The following ASPH variants were observed in gnomAD, a reference collection of about 807,000 sequenced individuals.
ASPH encodes the protein aspartyl/asparaginyl beta-hydroxylase.
A neutral mutation model predicts 118.4 loss-of-function variants in ASPH; 100 were observed. The ratio of observed to expected loss-of-function variants is 0.84; its 90% CI spans 0.72 to 1.00. The LOEUF (loss-of-function observed/expected upper bound fraction) is 1.00. ASPH is among the 50% of genes least tolerant of loss of function. The pLI is 0.00. For synonymous variants in ASPH, 315 were observed against 325.6 expected (o/e 0.97, Z 0.35); for missense variants, 920 against 919.5 (o/e 1.00, Z -0.01).
intron 1 of ASPH, among the ~76,000 whole-genome samples, chr8:61,697,459 C>A (rs1834194560): frequency 6.6e-6 from 1 of 152,178 alleles, no homozygotes; most frequent in South Asian, 2.1e-4. Flanking sequence ...ACACTATCTA[C>A]TTGCAGATAG....
At chr8:61,585,681 C>T (rs1269245714) in intron 14 of ASPH, among the ~76,000 whole-genome samples, 3 of 152,192 alleles carry the variant, frequency 2.0e-5, no homozygotes, top group African/African-American at 4.8e-5. Flanking sequence ...TTGCCACGCT[C>T]CCTCCCCTCC....
intron 21 of ASPH, among the ~76,000 whole-genome samples, chr8:61,528,707 T>C (rs1187148846): frequency 1.3e-5 from 2 of 152,236 alleles, no homozygotes; most frequent in Non-Finnish European, 2.9e-5. Context: ...ATCTTTTATA[T>C]ATGAAACATT....
intron 6 of ASPH, among the ~76,000 whole-genome samples, chr8:61,645,551 C>G (rs940575835): frequency 6.6e-6 from 1 of 152,168 alleles, no homozygotes; most frequent in Non-Finnish European, 1.5e-5. Flanking sequence ...GAAATCATGA[C>G]ATAAATGATT....
chr8:61,559,112 T>G (rs564377541), intron 18 of ASPH, among the ~76,000 whole-genome samples: 1 of 152,352 alleles, frequency 6.6e-6, no homozygotes, highest in African/African-American at 2.4e-5. Context: ...GATACAGGCA[T>G]ACTATGCATA....
chr8:61,671,066 TG>T (rs1273601078), intron 3 of ASPH, among the ~76,000 whole-genome samples: 5 of 151,804 alleles, frequency 3.3e-5, no homozygotes, highest in Non-Finnish European at 5.9e-5. Flanking sequence ...AATACAGTAA[TG>T]GAGAAAGGGG....
Position 61,578,492 on chromosome 8 carries a change from G to A in ASPH, c.1063-1634C>T. ...ACATCCAGGCTGTGTGCACCCAGGA[G>A]AAGGAGCAGATCAAGACCCTCAACA... is the stretch of plus-strand genomic sequence containing the variant. On this transcript the variant is annotated intron_variant, in intron 15 of 24. Coordinates refer to ENST00000379454, the MANE Select transcript of ASPH (RefSeq NM_004318.4). The A allele has an allele frequency of 3.8e-6, 6 of 1,589,012 alleles. No homozygotes were observed. In the South Asian group the frequency reaches 6.6e-5, roughly 18 times the overall value.
chr8:61,633,578 C>T, intron 13 of ASPH, 105 bp downstream of exon 13: 1 of 1,002,844 alleles, frequency 1.0e-6, no homozygotes, highest in Non-Finnish European at 1.4e-6. Flanking sequence ...GTTAATCTCT[C>T]TCAAAATTTT....
chr8:61,579,072 A>G, intron 15 of ASPH: 1 of 1,610,304 alleles, frequency 6.2e-7, no homozygotes, highest in Non-Finnish European at 8.5e-7. Flanking sequence ...GTACCAGATC[A>G]AGTATGAGGA....
chr8:61,621,786 A>T (rs1851018057), intron 13 of ASPH, among the ~76,000 whole-genome samples: 2 of 152,258 alleles, frequency 1.3e-5, no homozygotes, highest in Non-Finnish European at 2.9e-5. Context: ...AGTAATGGGG[A>T]ATTCATTAAC....
chr8:61,646,237 C>T (rs997001221), intron 6 of ASPH, among the ~76,000 whole-genome samples: 2 of 152,154 alleles, frequency 1.3e-5, no homozygotes, highest in African/African-American at 2.4e-5. Flanking sequence ...TCAAAGGCTG[C>T]TTTTACGCTG....
chr8:61,544,094 T>C (rs1052419254), intron 21 of ASPH, among the ~76,000 whole-genome samples: 14 of 152,316 alleles, frequency 9.2e-5, no homozygotes, highest in African/African-American at 3.4e-4. Context: ...CACTAGTGCC[T>C]GGAAAGCTAT....
intron 18 of ASPH, 35 bp from the exon 19 acceptor site, chr8:61,556,057 G>C: frequency 6.3e-7 from 1 of 1,575,962 alleles, no homozygotes; most frequent in Non-Finnish European, 8.7e-7. Context: ...ATAACTCAAA[G>C]AAAACATAGG....
intron 14 of ASPH, among the ~76,000 whole-genome samples, chr8:61,615,556 C>G (rs545506438): frequency 1.5e-4 from 23 of 152,300 alleles, no homozygotes; most frequent in African/African-American, 5.5e-4. Flanking sequence ...ATCATAAGTA[C>G]TCACTATGTA....
intron 14 of ASPH, among the ~76,000 whole-genome samples, chr8:61,604,046 T>C (rs554571168): frequency 6.6e-6 from 1 of 152,314 alleles, no homozygotes; most frequent in Non-Finnish European, 1.5e-5. Flanking sequence ...ACATGGATAG[T>C]TAGGGCCAAG....
At chr8:61,560,260 G>T (rs1212637959) in intron 18 of ASPH, among the ~76,000 whole-genome samples, 1 of 152,098 alleles carries the variant, frequency 6.6e-6, no homozygotes, top group Admixed American at 6.5e-5. Flanking sequence ...TGCTAATGTT[G>T]CCAACTTGCA....
chr8:61,627,261 A>T (rs745553284), intron 13 of ASPH, among the ~76,000 whole-genome samples: 8 of 152,252 alleles, frequency 5.3e-5, no homozygotes, highest in Non-Finnish European at 1.0e-4. Flanking sequence ...GTTATGAATA[A>T]GAGCAAATGA....
rs989514928 is a variant in ASPH, at chr8:61,579,515, C to T, written c.1063-2657G>A. ...GCTCGGCCTATGGGGGCCTCACAAGCCCCGGCCTCAGCTACGGCCTGGGCT... is the reference window on the plus strand; with the variant it reads ...GCTCGGCCTATGGGGGCCTCACAAGTCCCGGCCTCAGCTACGGCCTGGGCT... On this transcript the variant is annotated intron_variant, in intron 15 of 24. Transcript: ENST00000379454. 1.7e-5 allele frequency: 26 copies of T among 1,568,792 alleles called. No homozygotes were observed. In the African/African-American group the frequency reaches 2.8e-4, roughly 17 times the overall value.
At position 61,646,829 on chromosome 8, in the gene ASPH, T is replaced by C. The variant is rs771403319; in HGVS notation, c.540A>G (p.Gln180=). The change falls in exon 6 of 25, where the codon CAA becomes CAG. Residue 180 remains glutamine, a synonymous_variant. Transcript: ENST00000379454. ...QQEDGPTGEP[Q]QEDDEFLMAT... ...CCATAAGAAACTCATCATCCTCTTG[T>C]TGTGGTTCTCCTGTGGGTCCATCTT... is the stretch of plus-strand genomic sequence containing the variant. The C allele has an allele frequency of 6.2e-7, 1 of 1,614,008 alleles. No homozygotes were observed. Among genetic ancestry groups the C allele is most frequent in the Non-Finnish European group, 8.5e-7 (1 of 1,179,910 alleles).
At chr8:61,587,894 C>A (rs2132760705) in intron 14 of ASPH, among the ~76,000 whole-genome samples, 4 of 152,230 alleles carry the variant, frequency 2.6e-5, no homozygotes, top group African/African-American at 9.6e-5. Flanking sequence ...AAAAATGAGT[C>A]CTCATTCAGG....
Sources: gnomAD v4.1 joint callset for allele counts (sites outside exome capture counted in the v4.1 genomes callset) on GRCh38, gnomAD v4.1.1 for gene constraint, MANE v1.5 for transcripts, NCBI Gene and HGNC (gene_info 2026-07-23, HGNC 2026-07-21) for gene names.